CEP85: variants seen among roughly 807,000 people sequenced by gnomAD.
CEP85 encodes centrosomal protein of 85 kDa.
CEP85 carries 58 observed loss-of-function variants against 93.7 expected under a neutral mutation model. The observed-to-expected ratio is 0.62, with a 90% confidence interval of 0.50 to 0.77. The LOEUF (loss-of-function observed/expected upper bound fraction) is 0.77, where lower values mean the gene tolerates loss of function less well. Among genes scored for constraint, CEP85 ranks in the 30% least tolerant of loss-of-function variants. The pLI is 0.00. For missense variants in CEP85, 868 were observed against 922.0 expected (o/e 0.94, Z 0.76); for synonymous variants, 314 against 338.6 (o/e 0.93, Z 0.80).
chr1:26,272,644 T>G (rs1241266641), intron 11 of CEP85, among the ~76,000 whole-genome samples: 2 of 146,040 alleles, frequency 1.4e-5, no homozygotes, highest in African/African-American at 2.6e-5. Context: ...TTTTTTTTTT[T>G]GGAGACAGAG....
rs201779964 is a variant in CEP85, at chr1:26,239,825, C to A, written c.42C>A (p.His14Gln). 4 of 1,613,272 alleles carry A rather than the reference C, an allele frequency of 2.5e-6. No homozygotes were observed. Among genetic ancestry groups the A allele is most frequent in the Non-Finnish European group, 3.4e-6 (4 of 1,179,336 alleles). Reference sequence around the variant, plus strand: ...AATATCCAACTGAGGGGATCTCTCACGTCACTTCACCGAGTGAGTAGTCAG... The same window carrying A: ...AATATCCAACTGAGGGGATCTCTCAAGTCACTTCACCGAGTGAGTAGTCAG... ...QEKYPTEGIS[H>Q]VTSPSSDVIQ... is the part of the protein sequence containing the mutation. Residue 14 changes from histidine (H) to glutamine (Q), a missense_variant, in exon 2 of 14, where the codon CAC becomes CAA. Transcript: ENST00000451429.
At position 26,277,258 on chromosome 1, in the gene CEP85, G is replaced by A; in HGVS notation, c.2251G>A (p.Ala751Thr). ...AAGGACCACCATGTCAGACAGATAT[G>A]CCCAGGACATGGGAGAAAACTGTGT... ...DLRTTMSDRY[A>T]QDMGENCVTQ The change falls in exon 14 of 14, where the codon GCC (alanine) becomes ACC (threonine). Residue 751 changes from alanine (A) to threonine (T), a missense_variant. Coordinates refer to ENST00000451429, the MANE Select transcript of CEP85 (RefSeq NM_001319944.2). 1.9e-6 allele frequency: 3 copies of A among 1,614,146 alleles called. No individual in the cohort carries two copies. Among genetic ancestry groups the A allele is most frequent in the Non-Finnish European group, 2.5e-6 (3 of 1,179,960 alleles).
At position 26,260,336 on chromosome 1, in the gene CEP85, C is replaced by G. The variant is rs551036672; in HGVS notation, c.1341+534C>G. On this transcript the variant is annotated intron_variant, in intron 7 of 13. Transcript: ENST00000451429. ...TGAAACCCCGTCTCTACTAAAAATG[C>G]AAAAATTAGCTGGGTGTGGTGGCTG... is the stretch of plus-strand genomic sequence containing the variant. Among the ~76,000 whole-genome samples the G allele has an allele frequency of 7.2e-5, 11 of 152,144 alleles. No homozygotes were observed. The East Asian group carries it at 2.1e-3, about 29-fold the overall frequency.
At chr1:26,263,608 A>G (rs868587186) in intron 7 of CEP85, among the ~76,000 whole-genome samples, 3 of 152,122 alleles carry the variant, frequency 2.0e-5, no homozygotes, top group Non-Finnish European at 4.4e-5. Flanking sequence ...CTGGAGCCCA[A>G]AAGGTCAAGG....
chr1:26,246,517 T>C (rs751996801), intron 3 of CEP85, among the ~76,000 whole-genome samples: 1 of 152,142 alleles, frequency 6.6e-6, no homozygotes, highest in Non-Finnish European at 1.5e-5. Flanking sequence ...GTGGATTGCC[T>C]GAGCTCAGGA....
At position 26,257,647 on chromosome 1, in the gene CEP85, G is replaced by A; in HGVS notation, c.954G>A (p.Leu318=). Residue 318 remains leucine (L), a synonymous_variant, in exon 5 of 14, where the codon CTG becomes CTA. Coordinates refer to ENST00000451429, the MANE Select transcript of CEP85 (RefSeq NM_001319944.2). ...ATCCTGCTGCTTTTGGTCCTTCACT[G>A]CCCATCTTAGAGCCAGCACAGTGGA... The part of the protein sequence containing the change: ...CHHPAAFGPS[L]PILEPAQWIS... 6.2e-7 allele frequency: 1 copy of A among 1,614,140 alleles called. No homozygotes were observed. The highest frequency in any genetic ancestry group is 1.7e-5 in the Admixed American group (1 of 60,018).
Position 26,256,928 on chromosome 1 carries a change from G to GTGTGTGTGTGTGTGTGTGTGTGT in CEP85, c.904-669_904-668insTGTGTGTGTGTGTGTGTGTGTGT, listed in dbSNP as rs199539021. Among the ~76,000 whole-genome samples the GTGTGTGTGTGTGTGTGTGTGTGT allele has an allele frequency of 7.1e-4, 79 of 111,490 alleles. 1 individual carries two copies. The highest frequency in any genetic ancestry group is 1.3e-3 in the Non-Finnish European group (68 of 53,348). The allele number at this position is 111,490 out of a possible 152,430, so 73.1% of individuals were successfully genotyped here. A position where few individuals can be genotyped will look rare whatever the true frequency, so the allele number is the denominator to read the frequency against. ...TCCTTTTTTTGTTTTGTTTTGTTTT[G>GTGTGTGTGTGTGTGTGTGTGTGT]GTGTGTGTGTGTGTGTGTGTGTGTG... On this transcript the variant is annotated intron_variant, in intron 4 of 13. Transcript: ENST00000451429.
At chr1:26,249,908 T>C (rs937540303) in intron 3 of CEP85, among the ~76,000 whole-genome samples, 2 of 152,160 alleles carry the variant, frequency 1.3e-5, no homozygotes, top group African/African-American at 4.8e-5. Flanking sequence ...CTGTGTTGCC[T>C]ACACTGGAGT....
chr1:26,251,036 T>C (rs1383546737), intron 3 of CEP85, among the ~76,000 whole-genome samples: 1 of 146,048 alleles, frequency 6.8e-6, no homozygotes, highest in Non-Finnish European at 1.5e-5. Flanking sequence ...CCGCCTCCCA[T>C]GTTCAAGTGA....
rs748230113 is a variant in CEP85 at position 26,269,782 on chromosome 1, C to CTTTTTTTTTTTT, written c.1649+179_1649+190dup. ...TAGGAAAGCTGCTTATGGGAAGCGGCTTTTTTTTTTTTTTTTTTTTTTGAG... is the reference window on the plus strand; with the variant it reads ...TAGGAAAGCTGCTTATGGGAAGCGGCTTTTTTTTTTTTTTTTTTTTTTTTTTTTTTTTTTGAG... On this transcript the variant is annotated intron_variant, in intron 9 of 13. Transcript: ENST00000451429. Among the ~76,000 whole-genome samples the CTTTTTTTTTTTT allele has an allele frequency of 3.5e-5, 3 of 84,710 alleles. 1 individual carries two copies. Among genetic ancestry groups the CTTTTTTTTTTTT allele is most frequent in the Non-Finnish European group, 2.2e-5 (1 of 45,496 alleles). 55.6% of individuals were successfully genotyped at this position (84,710 alleles called of 152,430 possible).
intron 7 of CEP85, among the ~76,000 whole-genome samples, chr1:26,261,249 G>C (rs1277778659): frequency 1.3e-5 from 2 of 151,032 alleles, no homozygotes; most frequent in African/African-American, 4.9e-5. Flanking sequence ...GAGGTGGGCA[G>C]ATCACCTGAG....
chr1:26,255,967 A>G, intron 4 of CEP85, 102 bp downstream of exon 4: 1 of 1,001,216 alleles, frequency 1.0e-6, no homozygotes, highest in Non-Finnish European at 1.4e-6. Flanking sequence ...ATAGCTGTAA[A>G]AAGAAGGAAG....
intron 11 of CEP85, among the ~76,000 whole-genome samples, chr1:26,273,160 T>C (rs2090003315): frequency 6.6e-6 from 1 of 152,104 alleles, no homozygotes; most frequent in Non-Finnish European, 1.5e-5. Flanking sequence ...TGACAAGATG[T>C]AGGGGTTGAA....
intron 7 of CEP85, among the ~76,000 whole-genome samples, chr1:26,265,835 C>T (rs2124600547): frequency 6.6e-6 from 1 of 152,202 alleles, no homozygotes; most frequent in East Asian, 1.9e-4. Flanking sequence ...AATCCTGGTA[C>T]TTTGGGAGGC....
intron 3 of CEP85, among the ~76,000 whole-genome samples, chr1:26,245,408 C>G (rs1325096259): frequency 1.3e-5 from 2 of 152,040 alleles, no homozygotes; most frequent in Non-Finnish European, 2.9e-5. Context: ...ATGCCTGCCT[C>G]CTCTTGCCTT....
At chr1:26,254,196 A>G (rs1291188036) in intron 3 of CEP85, among the ~76,000 whole-genome samples, 1 of 152,150 alleles carries the variant, frequency 6.6e-6, no homozygotes, top group Non-Finnish European at 1.5e-5. Flanking sequence ...TGAAAAGAGA[A>G]GAAATTGGTA....
At chr1:26,267,166 G>A (rs964033502) in intron 7 of CEP85, among the ~76,000 whole-genome samples, 1 of 152,224 alleles carries the variant, frequency 6.6e-6, no homozygotes, top group African/African-American at 2.4e-5. Context: ...CCAACTGGCT[G>A]CAGATCTGTA....
intron 7 of CEP85, among the ~76,000 whole-genome samples, chr1:26,261,215 G>A (rs1312463415): frequency 6.6e-6 from 1 of 151,438 alleles, no homozygotes; most frequent in Admixed American, 6.6e-5. Flanking sequence ...GCTCATGCTT[G>A]TAATCCCTGC....
At chr1:26,263,338 C>T (rs1344513313) in intron 7 of CEP85, 2 of 280,972 alleles carry the variant, frequency 7.1e-6, no homozygotes, top group African/African-American at 4.5e-5. Flanking sequence ...CTTTTCAAAG[C>T]AGCAGTAGTC....
Sources: allele counts gnomAD v4.1 joint callset (sites outside exome capture counted in the v4.1 genomes callset), GRCh38; gene constraint gnomAD v4.1.1; transcripts MANE v1.5; gene names NCBI Gene and HGNC (gene_info 2026-07-23, HGNC 2026-07-21).